Variants in ACO2 observed in about 807,000 individuals in gnomAD.
The protein encoded by ACO2 is aconitase 2.
Under a neutral mutation model 84.5 loss-of-function variants are expected in ACO2, and 31 were observed. The observed-to-expected ratio is 0.37, with a 90% CI of 0.28 to 0.50. The LOEUF (loss-of-function observed/expected upper bound fraction) is 0.50. Ranked by LOEUF, ACO2 falls within the 20% of genes least tolerant of loss-of-function variation. The pLI is 0.97. For synonymous variants in ACO2, 414 were observed against 412.7 expected (o/e 1.00, Z -0.04); for missense variants, 685 against 1,029.3 (o/e 0.67, Z 4.58).
chr22:41,526,759 G>A (rs1378875666), intron 15 of ACO2: 1 of 371,448 alleles, frequency 2.7e-6, no homozygotes, highest in Non-Finnish European at 4.9e-6. Context: ...CAAAAGCTCA[G>A]AGAGGGGGCT....
chr22:41,481,404 T>C (rs1357111530), intron 1 of ACO2, among the ~76,000 whole-genome samples: 1 of 152,232 alleles, frequency 6.6e-6, no homozygotes, highest in Non-Finnish European at 1.5e-5. Flanking sequence ...CTCAGCTCTG[T>C]AGCTTGCTCT....
At chr22:41,476,745 C>T (rs2038019452) in intron 1 of ACO2, among the ~76,000 whole-genome samples, 1 of 152,002 alleles carries the variant, frequency 6.6e-6, no homozygotes, top group Non-Finnish European at 1.5e-5. Context: ...AAAAAACACA[C>T]ACACTGCAAA....
chr22:41,485,503 C>T (rs557966313), intron 1 of ACO2, among the ~76,000 whole-genome samples: 30 of 143,668 alleles, frequency 2.1e-4, no homozygotes, highest in Admixed American at 3.6e-4. Context: ...TGCAGTGGCA[C>T]GATCTCGGCT....
intron 1 of ACO2, among the ~76,000 whole-genome samples, chr22:41,497,161 T>C (rs1335955905): frequency 1.3e-5 from 2 of 151,686 alleles, no homozygotes; most frequent in East Asian, 1.9e-4. Flanking sequence ...CTCTGCCCCC[T>C]GGGTTCAAGC....
intron 2 of ACO2, among the ~76,000 whole-genome samples, chr22:41,503,760 T>TA (rs774851306): frequency 6.6e-6 from 1 of 152,174 alleles, no homozygotes; most frequent in Non-Finnish European, 1.5e-5. Context: ...GGTTGGGGCT[T>TA]ACTGTTACCC....
intron 3 of ACO2, among the ~76,000 whole-genome samples, chr22:41,510,877 C>T (rs1372865885): frequency 6.6e-6 from 1 of 152,228 alleles, no homozygotes; most frequent in Non-Finnish European, 1.5e-5. Flanking sequence ...CGACAGCCTT[C>T]CATTTGGGCC....
chr22:41,508,503 G>A lies in ACO2; in HGVS notation c.432+454G>A, dbSNP rs146210517. Among the ~76,000 whole-genome samples the A allele has an allele frequency of 1.7e-3, 254 of 152,338 alleles. 4 individuals carry two copies. In the Middle Eastern group the frequency reaches 0.031, roughly 18 times the overall value. On this transcript the variant is annotated intron_variant, in intron 3 of 17. Transcript: ENST00000216254. ...GGGTCACTATTTGTAAATTTGAGGC[G>A]GCAGTGGCATCATACTTGAGTTCTG...
chr22:41,526,884 G>T (rs992359581), intron 15 of ACO2: 1 of 320,514 alleles, frequency 3.1e-6, no homozygotes, highest in Non-Finnish European at 5.8e-6. Flanking sequence ...CCGGGTGAAA[G>T]GACTCTGGCA....
intron 2 of ACO2, among the ~76,000 whole-genome samples, chr22:41,501,828 G>A (rs1214649633): frequency 2.0e-5 from 3 of 152,036 alleles, no homozygotes; most frequent in Non-Finnish European, 4.4e-5. Context: ...TTAAGGGTAG[G>A]GACTTCCTTA....
rs762454725 is a variant in ACO2 at position 41,522,901 on chromosome 22, C to G, written c.1210C>G (p.Leu404Val). The G allele has an allele frequency of 5.6e-6, 9 of 1,614,236 alleles. No homozygotes were observed. In the East Asian group the frequency reaches 2.0e-4, roughly 36 times the overall value. The change falls in exon 10 of 18, where the codon CTG (leucine) becomes GTG (valine). Residue 404 changes from leucine to valine, a missense_variant. By Grantham distance (32) the Leu-to-Val change is conservative. This residue lies in a region of ACO2 where 311 missense variants were observed against 441.6 expected (regional missense o/e 0.70). Transcript: ENST00000216254. The part of the protein sequence containing the change: ...GRSAAVAKQA[L>V]AHGLKCKSQF... Reference sequence around the variant, plus strand: ...CTCAGCAGCTGTGGCCAAGCAGGCACTGGCCCATGGCCTCAAGTGCAAGTC... The same window carrying G: ...CTCAGCAGCTGTGGCCAAGCAGGCAGTGGCCCATGGCCTCAAGTGCAAGTC...
At chr22:41,509,203 C>T (rs1030849152) in intron 3 of ACO2, among the ~76,000 whole-genome samples, 1 of 152,184 alleles carries the variant, frequency 6.6e-6, no homozygotes, top group African/African-American at 2.4e-5. Flanking sequence ...AGGGCTGCTA[C>T]CTTCTGGGGC....
At chr22:41,507,299 T>A (rs1325592596) in intron 2 of ACO2, among the ~76,000 whole-genome samples, 2 of 152,098 alleles carry the variant, frequency 1.3e-5, no homozygotes, top group Non-Finnish European at 2.9e-5. Flanking sequence ...GTGAAGGGGA[T>A]GCTGGTCCTG....
chr22:41,484,905 A>C (rs560430868), intron 1 of ACO2, among the ~76,000 whole-genome samples: 3 of 110,644 alleles, frequency 2.7e-5, no homozygotes, highest in African/African-American at 3.6e-5. Context: ...ATGGAGTTTC[A>C]CTCTTGTTGC....
At chr22:41,469,237 C>A in intron 1 of ACO2, 55 bp downstream of exon 1, 1 of 1,576,656 alleles carries the variant, frequency 6.3e-7, no homozygotes, top group Non-Finnish European at 8.6e-7. Context: ...TCCTACTGTG[C>A]CGGCGGCTGT....
chr22:41,491,173 T>C (rs2066268980), intron 1 of ACO2, among the ~76,000 whole-genome samples: 1 of 151,768 alleles, frequency 6.6e-6, no homozygotes. Context: ...GAAGAAAAAC[T>C]GCATCTGTAA....
At chr22:41,516,784 G>A (rs1009259862) in intron 6 of ACO2, among the ~76,000 whole-genome samples, 7 of 152,156 alleles carry the variant, frequency 4.6e-5, no homozygotes, top group African/African-American at 1.7e-4. Flanking sequence ...ATGCAGTGGT[G>A]CAATCTCGGC....
intron 2 of ACO2, among the ~76,000 whole-genome samples, chr22:41,507,195 G>T (rs1009379852): frequency 1.3e-5 from 2 of 152,120 alleles, no homozygotes; most frequent in African/African-American, 2.4e-5. Context: ...TCTATGTCTG[G>T]AGCTAATGGG....
At chr22:41,490,267 A>G (rs2066262473) in intron 1 of ACO2, among the ~76,000 whole-genome samples, 4 of 152,208 alleles carry the variant, frequency 2.6e-5, no homozygotes, top group Admixed American at 2.6e-4. Flanking sequence ...CGGAGGTTGC[A>G]GCCAGCCGAG....
Position 41,527,271 on chromosome 22 carries a change from C to G in ACO2, c.1954-17C>G, listed in dbSNP as rs373677045. On this transcript the variant is annotated splice_polypyrimidine_tract_variant and intron_variant, in intron 15 of 17. Coordinates refer to ENST00000216254, the MANE Select transcript of ACO2 (RefSeq NM_001098.3). ...GCCCTCCTCTGCCTTATAACCTTAC[C>G]CCCGCTTGCCTGACAGAAACATGGC... The G allele has an allele frequency of 3.2e-5, 52 of 1,614,014 alleles. No homozygotes were observed. The highest frequency in any genetic ancestry group is 4.1e-5 in the Non-Finnish European group (48 of 1,180,006).
Sources: gnomAD v4.1 joint callset for allele counts (sites outside exome capture counted in the v4.1 genomes callset) on GRCh38, gnomAD v4.1.1 for gene constraint, gnomAD v4.1.1 regional missense constraint, MANE v1.5 for transcripts, NCBI Gene and HGNC (gene_info 2026-07-23, HGNC 2026-07-21) for gene names.